Variants in PLAA observed in about 807,000 individuals in gnomAD.
The protein encoded by PLAA is phospholipase A2 activating protein.
Under a neutral mutation model 84.1 loss-of-function variants are expected in PLAA, and 48 were observed. The observed-to-expected ratio is 0.57, with a 90% CI of 0.45 to 0.73. The LOEUF is 0.73. Ranked by LOEUF, PLAA falls within the 30% of genes least tolerant of loss-of-function variation. PLAA has a pLI of 0.00. For synonymous variants in PLAA, 392 were observed against 336.6 expected, an observed-to-expected ratio of 1.16 and a Z score of -1.80; for missense variants, 903 against 954.7, an observed-to-expected ratio of 0.95 and a Z score of 0.71.
intron 2 of PLAA, among the ~76,000 whole-genome samples, chr9:26,930,276 T>C (rs989758215): frequency 2.0e-5 from 3 of 151,970 alleles, no homozygotes; most frequent in Admixed American, 6.5e-5. Context: ...AGCTAATTTT[T>C]TTGTATTTTA....
At chr9:26,910,047 T>C (rs1341453268) in intron 12 of PLAA, among the ~76,000 whole-genome samples, 1 of 152,238 alleles carries the variant, frequency 6.6e-6, no homozygotes, top group Non-Finnish European at 1.5e-5. Flanking sequence ...TTAATTTTTT[T>C]TGAAAACATT....
At position 26,928,461 on chromosome 9, in the gene PLAA, C is replaced by T. The variant is rs147843455; in HGVS notation, c.344-53G>A. 5.5e-4 allele frequency: 672 copies of T among 1,227,480 alleles called. 4 individuals are homozygous for T. The African/African-American group carries it at 8.5e-3, about 16-fold the overall frequency. 76.0% of individuals were successfully genotyped at this position (1,227,480 alleles called of 1,614,324 possible). On this transcript the variant is annotated intron_variant, in intron 2 of 13. Coordinates refer to ENST00000397292, the MANE Select transcript of PLAA (RefSeq NM_001031689.3). ...CATTTTCATACAGAAAAATGCTCAA[C>T]ATTGAAAGTTACTAAAGCATTCCAA... is the stretch of plus-strand genomic sequence containing the variant.
Position 26,925,877 on chromosome 9 carries a change from A to T in PLAA, c.817T>A (p.Ser273Thr). ...CAQTIRLPAQ[S>T]IWCCCVLDNG... ...TCGAGCACACAGCAGCACCATATAG[A>T]CTGAGCTGGAAGTCGGATAGTTTGA... Residue 273 changes from serine (S) to threonine (T), a missense_variant, in exon 6 of 14, where the codon TCT (serine) becomes ACT (threonine). By Grantham distance (58) the Ser-to-Thr change is moderately conservative. Coordinates refer to ENST00000397292, the MANE Select transcript of PLAA (RefSeq NM_001031689.3). 1 of 1,613,928 alleles carries T rather than the reference A, an allele frequency of 6.2e-7. No homozygotes were observed. The highest frequency in any genetic ancestry group is 8.5e-7 in the Non-Finnish European group (1 of 1,179,834).
chr9:26,940,773 A>G (rs1400253568), intron 1 of PLAA, among the ~76,000 whole-genome samples: 3 of 152,246 alleles, frequency 2.0e-5, no homozygotes, highest in Non-Finnish European at 4.4e-5. Context: ...AGTCTTCAGA[A>G]TCTGAAGCAT....
chr9:26,917,117 G>A lies in PLAA; in HGVS notation c.1466C>T (p.Pro489Leu), dbSNP rs1240906590. The A allele has an allele frequency of 8.7e-6, 14 of 1,613,646 alleles. No individual in the cohort carries two copies. Among genetic ancestry groups the A allele is most frequent in the African/African-American group, 1.3e-5 (1 of 74,908 alleles). Reference sequence around the variant, plus strand: ...CCCACCTGTAAAAGGATCTGCTGTGGGTAGTGTGTTAGAAGATCCCGAAGA... The same window carrying A: ...CCCACCTGTAAAAGGATCTGCTGTGAGTAGTGTGTTAGAAGATCCCGAAGA... ...PGSSGSSNTL[P>L]TADPFTGAGR... The change falls in exon 10 of 14, where the codon CCC (proline) becomes CTC (leucine). Residue 489 changes from proline (P) to leucine (L), a missense_variant. By Grantham distance (98) the Pro-to-Leu change is moderately conservative (BLOSUM62 -3). Coordinates refer to ENST00000397292, the MANE Select transcript of PLAA (RefSeq NM_001031689.3).
chr9:26,938,063 G>C (rs938981751), intron 1 of PLAA, among the ~76,000 whole-genome samples: 1 of 152,086 alleles, frequency 6.6e-6, no homozygotes, highest in Admixed American at 6.5e-5. Flanking sequence ...CAAACTCCAA[G>C]AAGATAAATT....
At position 26,942,346 on chromosome 9, in the gene PLAA, G is replaced by A. The variant is rs183455251; in HGVS notation, c.149+4551C>T. 2.9e-3 allele frequency among the ~76,000 whole-genome samples: 444 copies of A among 152,308 alleles called. 1 individual carries two copies. The highest frequency in any genetic ancestry group is 2.7e-3 in the Non-Finnish European group (184 of 68,028). The stretch of plus-strand genomic sequence containing the variant: ...ATCCTAGGATTAGTTGTGCATCAGA[G>A]GTAGACAGACCAGGTCAGAAAGTTT... On this transcript the variant is annotated intron_variant, in intron 1 of 13. Coordinates refer to ENST00000397292, the MANE Select transcript of PLAA (RefSeq NM_001031689.3).
At chr9:26,930,573 T>C (rs1243817938) in intron 2 of PLAA, among the ~76,000 whole-genome samples, 12 of 148,128 alleles carry the variant, frequency 8.1e-5, no homozygotes, top group Non-Finnish European at 1.6e-4. Flanking sequence ...ATATGTTACA[T>C]CACTGAGATT....
At chr9:26,943,380 C>T (rs1417419812) in intron 1 of PLAA, among the ~76,000 whole-genome samples, 1 of 152,142 alleles carries the variant, frequency 6.6e-6, no homozygotes, top group Admixed American at 6.5e-5. Context: ...CCCCATTATT[C>T]CCAGTCCATC....
At position 26,926,528 on chromosome 9, in the gene PLAA, A is replaced by G; in HGVS notation, c.598T>C (p.Leu200=). The change falls in exon 5 of 14, where the codon TTG becomes CTG. Residue 200 remains leucine, a synonymous_variant. Transcript: ENST00000397292. ...HEDCVRGLAI[L]SETEFLSCAN... ...CAGGAAAGAAATTCTGTTTCACTCA[A>G]AATTGCCAAACCTCTTACACAGTCT... The G allele has an allele frequency of 6.2e-7, 1 of 1,613,684 alleles. No homozygotes were observed. Among genetic ancestry groups the G allele is most frequent in the Non-Finnish European group, 8.5e-7 (1 of 1,179,736 alleles).
chr9:26,907,034 T>C (rs1314270749), intron 13 of PLAA, among the ~76,000 whole-genome samples: 1 of 120,664 alleles, frequency 8.3e-6, no homozygotes, highest in Admixed American at 8.0e-5. Context: ...GGACATTTTA[T>C]TGAAAAAAAA....
intron 12 of PLAA, 61 bp downstream of exon 12, chr9:26,910,277 A>C (rs190981959): frequency 2.5e-5 from 31 of 1,246,320 alleles, no homozygotes; most frequent in Middle Eastern, 1.9e-4. Context: ...CAAGAGAAAC[A>C]ACCTTGATGA....
chr9:26,946,563 C>T (rs1234160526), intron 1 of PLAA, among the ~76,000 whole-genome samples: 1 of 151,058 alleles, frequency 6.6e-6, no homozygotes, highest in Non-Finnish European at 1.5e-5. Flanking sequence ...TACCTCACTT[C>T]GGAGGGTGCA....
rs1039924798 is a variant in PLAA at position 26,928,301 on chromosome 9, A to C, written c.444+7T>G. 15 of 1,613,626 alleles carry C rather than the reference A, an allele frequency of 9.3e-6. No homozygotes were observed. Among genetic ancestry groups the C allele is most frequent in the Non-Finnish European group, 1.3e-5 (15 of 1,179,632 alleles). ...TTCTTTAGAATATTTACACAGAACT[A>C]CTGTACCTGCAAGGTCATCATGCAC... On this transcript the variant is annotated splice_region_variant and intron_variant, in intron 3 of 13. Coordinates refer to ENST00000397292, the MANE Select transcript of PLAA (RefSeq NM_001031689.3).
intron 10 of PLAA, chr9:26,916,433 T>A: frequency 1.0e-6 from 1 of 987,002 alleles, no homozygotes; most frequent in Non-Finnish European, 1.2e-6. Context: ...GAGGCATGCA[T>A]ACCTTGGTAA....
chr9:26,917,230 A>G (rs1824592491), intron 9 of PLAA, 65 bp from the exon 10 acceptor site: 2 of 1,295,254 alleles, frequency 1.5e-6, no homozygotes, highest in East Asian at 2.3e-5. Flanking sequence ...AAACAGCACA[A>G]TGCTTGTTTT....
intron 1 of PLAA, among the ~76,000 whole-genome samples, chr9:26,939,441 C>A (rs1587191310): frequency 8.0e-6 from 1 of 124,852 alleles, no homozygotes. Context: ...ATAAATAAAT[C>A]AACTAAACAC....
chr9:26,936,759 A>T (rs2131416274), intron 1 of PLAA, among the ~76,000 whole-genome samples: 1 of 152,280 alleles, frequency 6.6e-6, no homozygotes, highest in South Asian at 2.1e-4. Context: ...GCAACAACAA[A>T]GAGGCAGGCA....
chr9:26,927,127 C>CTTTTTTTTTT (rs10672584), intron 4 of PLAA, among the ~76,000 whole-genome samples: 10,156 of 136,292 alleles, frequency 0.075, 818 homozygotes, highest in African/African-American at 0.17. Context: ...TTTTGTTTTT[C>CTTTTTTTTTT]TTTTTTTTTT....
Sources: gnomAD v4.1 joint callset for allele counts (sites outside exome capture counted in the v4.1 genomes callset) on GRCh38, gnomAD v4.1.1 for gene constraint, MANE v1.5 for transcripts, NCBI Gene and HGNC (gene_info 2026-07-23, HGNC 2026-07-21) for gene names.